METTL15: variants seen among roughly 807,000 people sequenced by gnomAD.
The protein encoded by METTL15 is methyltransferase 15, mitochondrial 12S rRNA N4-cytidine, also known as 12S rRNA N(4)-cytidine methyltransferase METTL15.
In METTL15, 34 loss-of-function variants were observed where a neutral mutation model predicts 38.3. That is an observed-to-expected ratio of 0.89 (90% CI 0.68 to 1.18). The LOEUF is 1.18. Ranked by LOEUF, METTL15 falls within the 50% of genes most tolerant of loss-of-function variation. The probability of loss-of-function intolerance (pLI) is 0.00; values close to 1 mark genes in which losing one functional copy is unlikely to be tolerated. For synonymous variants in METTL15, 162 were observed against 170.9 expected, an observed-to-expected ratio of 0.95 and a Z score of 0.41; for missense variants, 438 against 498.4, an observed-to-expected ratio of 0.88 and a Z score of 1.15.
intron 6 of METTL15, among the ~76,000 whole-genome samples, chr11:28,437,563 G>A (rs550393950): frequency 6.6e-6 from 1 of 152,236 alleles, no homozygotes; most frequent in Non-Finnish European, 1.5e-5. Flanking sequence ...GGGCATACTT[G>A]CTTTTGCCCT....
At chr11:28,293,772 G>C (rs956508378) in intron 5 of METTL15, among the ~76,000 whole-genome samples, 13 of 151,970 alleles carry the variant, frequency 8.6e-5, no homozygotes, top group African/African-American at 3.1e-4. Context: ...GGTTCTTCAC[G>C]TCCTTTGTCA....
intron 4 of METTL15, among the ~76,000 whole-genome samples, chr11:28,233,387 T>G (rs1853775329): frequency 6.6e-6 from 1 of 152,122 alleles, no homozygotes; most frequent in Non-Finnish European, 1.5e-5. Flanking sequence ...GATTACATTT[T>G]TTTGTTTATG....
At chr11:28,468,763 C>T (rs1590385074) in intron 6 of METTL15, among the ~76,000 whole-genome samples, 2 of 152,220 alleles carry the variant, frequency 1.3e-5, no homozygotes, top group East Asian at 3.9e-4. Flanking sequence ...TCTTAGCACA[C>T]AATTTACATA....
At chr11:28,323,527 T>C (rs1327002813) in intron 6 of METTL15, among the ~76,000 whole-genome samples, 2 of 152,212 alleles carry the variant, frequency 1.3e-5, no homozygotes, top group African/African-American at 2.4e-5. Flanking sequence ...CACTCAGGGC[T>C]ATGAAGGTAG....
chr11:28,219,484 A>G lies in METTL15; in HGVS notation c.407+8286A>G, dbSNP rs1338016634. On this transcript the variant is annotated intron_variant, in intron 4 of 6. Transcript: ENST00000407364. ...TATTAGTCTTGCTAGCAGTCTATCAATTTTGTTGACCTTTTCACAAAACCA... is the reference window on the plus strand; with the variant it reads ...TATTAGTCTTGCTAGCAGTCTATCAGTTTTGTTGACCTTTTCACAAAACCA... 2.0e-5 allele frequency among the ~76,000 whole-genome samples: 3 copies of G among 151,926 alleles called. No homozygotes were observed. In the South Asian group the frequency reaches 6.2e-4, roughly 32 times the overall value.
chr11:28,120,581 G>A (rs1204479391), intron 3 of METTL15, among the ~76,000 whole-genome samples: 2 of 151,848 alleles, frequency 1.3e-5, no homozygotes, highest in African/African-American at 2.4e-5. Context: ...TTTCCATGGG[G>A]TACGTTCCTG....
intron 4 of METTL15, 112 bp from the exon 5 acceptor site, chr11:28,290,094 A>G (rs1856450649): frequency 9.1e-6 from 8 of 875,124 alleles, no homozygotes; most frequent in Non-Finnish European, 1.3e-5. Context: ...CAATAAATAT[A>G]TATCGGTTAA....
chr11:28,362,157 C>G (rs890338895), intron 5 of METTL15: 2 of 151,936 alleles, frequency 1.3e-5, no homozygotes, highest in African/African-American at 4.8e-5. Flanking sequence ...AGCTTACAGA[C>G]AAGTAGAAAT....
intron 6 of METTL15, among the ~76,000 whole-genome samples, chr11:28,461,014 A>G (rs1418630084): frequency 1.3e-5 from 2 of 152,088 alleles, no homozygotes; most frequent in African/African-American, 4.8e-5. Flanking sequence ...AATTCATTTC[A>G]TAGACAGAGG....
At chr11:28,467,088 G>A (rs1428793729) in intron 6 of METTL15, among the ~76,000 whole-genome samples, 1 of 152,176 alleles carries the variant, frequency 6.6e-6, no homozygotes, top group Non-Finnish European at 1.5e-5. Flanking sequence ...CGTTTTAAAT[G>A]ATCATTAGCA....
chr11:28,314,031 G>A (rs1857395738), intron 6 of METTL15, among the ~76,000 whole-genome samples: 2 of 152,224 alleles, frequency 1.3e-5, no homozygotes, highest in African/African-American at 4.8e-5. Flanking sequence ...AATAAAAGTT[G>A]GAGGAGGAAG....
chr11:28,159,955 T>C (rs1233989376), intron 3 of METTL15, among the ~76,000 whole-genome samples: 2 of 152,124 alleles, frequency 1.3e-5, no homozygotes, highest in Admixed American at 6.5e-5. Context: ...TAGTTATGTC[T>C]ATGAGAGTAT....
At chr11:28,404,865 AC>A (rs1367977500) in intron 5 of METTL15, among the ~76,000 whole-genome samples, 1 of 152,094 alleles carries the variant, frequency 6.6e-6, no homozygotes, top group African/African-American at 2.4e-5. Flanking sequence ...TTGAATAATG[AC>A]CCATCTTCCT....
At chr11:28,115,740 A>G (rs551190971) in intron 3 of METTL15, among the ~76,000 whole-genome samples, 4 of 152,206 alleles carry the variant, frequency 2.6e-5, no homozygotes, top group Admixed American at 1.3e-4. Context: ...GAGGAAGAGG[A>G]GGAGGGGTTG....
chr11:28,303,640 A>G (rs148148606), intron 6 of METTL15, among the ~76,000 whole-genome samples: 12 of 152,266 alleles, frequency 7.9e-5, no homozygotes, highest in African/African-American at 2.9e-4. Flanking sequence ...ATTCTGACTC[A>G]TAAACTGGGT....
At chr11:28,442,487 C>A (rs1229483561) in intron 6 of METTL15, among the ~76,000 whole-genome samples, 1 of 151,998 alleles carries the variant, frequency 6.6e-6, no homozygotes, top group South Asian at 2.1e-4. Context: ...AATATTATTG[C>A]CATTTTGGAG....
intron 4 of METTL15, among the ~76,000 whole-genome samples, chr11:28,262,087 G>T (rs1343410134): frequency 6.6e-6 from 1 of 152,060 alleles, no homozygotes; most frequent in Non-Finnish European, 1.5e-5. Context: ...CTTAAGGCAG[G>T]CCATAAGAGA....
chr11:28,312,457 A>T (rs1857337890), intron 6 of METTL15, among the ~76,000 whole-genome samples: 1 of 152,204 alleles, frequency 6.6e-6, no homozygotes, highest in South Asian at 2.1e-4. Flanking sequence ...ATAATCTACC[A>T]AGTAGGACAT....
At chr11:28,491,201 T>C (rs1851491774) in intron 6 of METTL15, among the ~76,000 whole-genome samples, 1 of 152,026 alleles carries the variant, frequency 6.6e-6, no homozygotes. Flanking sequence ...ACCAAGGACA[T>C]AGAGTGGAAG....
Sources: gnomAD v4.1 joint callset for allele counts (sites outside exome capture counted in the v4.1 genomes callset) on GRCh38, gnomAD v4.1.1 for gene constraint, MANE v1.5 for transcripts, NCBI Gene and HGNC (gene_info 2026-07-23, HGNC 2026-07-21) for gene names.